The following NFIB variants were observed in gnomAD, a reference collection of about 807,000 sequenced individuals.
The protein encoded by NFIB is nuclear factor I B.
Under a neutral mutation model 61.5 loss-of-function variants are expected in NFIB, and 11 were observed. That is an observed-to-expected ratio of 0.18 (90% CI 0.11 to 0.30). The LOEUF (loss-of-function observed/expected upper bound fraction) is 0.30. Ranked by LOEUF, NFIB falls within the 10% of genes least tolerant of loss-of-function variation. The probability of loss-of-function intolerance (pLI) is 1.00; values close to 1 mark genes in which losing one functional copy is unlikely to be tolerated. For missense variants in NFIB, 471 were observed against 608.9 expected, an observed-to-expected ratio of 0.77 and a Z score of 2.38; for synonymous variants, 260 against 216.5, an observed-to-expected ratio of 1.20 and a Z score of -1.76.
At position 14,155,912 on chromosome 9, in the gene NFIB, G is replaced by C. The variant is rs1337429341; in HGVS notation, c.617-19C>G. 2 of 1,427,494 alleles carry C rather than the reference G, an allele frequency of 1.4e-6. No homozygotes were observed. Among genetic ancestry groups the C allele is most frequent in the Non-Finnish European group, 1.9e-6 (2 of 1,032,366 alleles). 88.4% of individuals were successfully genotyped at this position (1,427,494 alleles called of 1,614,324 possible). A position where few individuals can be genotyped will look rare whatever the true frequency, so the allele number is the denominator to read the frequency against. ...AGGTAACCTGAAAATAAATATTAAA[G>C]GAAAAATGATCAATATAAGCAGAAA... is the stretch of plus-strand genomic sequence containing the variant. On this transcript the variant is annotated intron_variant, in intron 3 of 10. Transcript: ENST00000380953.
At chr9:14,119,998 T>G (rs2038719244) in intron 8 of NFIB, among the ~76,000 whole-genome samples, 1 of 152,244 alleles carries the variant, frequency 6.6e-6, no homozygotes, top group African/African-American at 2.4e-5. Context: ...ATGTTTACAT[T>G]ACCAAAGCTT....
At position 14,323,944 on chromosome 9, in the gene NFIB, T is replaced by G. The variant is rs144065375; in HGVS notation, c.109-16424A>C. Among the ~76,000 whole-genome samples the G allele has an allele frequency of 1.1e-4, 16 of 152,324 alleles. No homozygotes were observed. In the East Asian group the frequency reaches 2.9e-3, roughly 27 times the overall value. On this transcript the variant is annotated intron_variant, in intron 1 of 8. Transcript: ENST00000380934. ...AAAAGTGGGATTGGCCCAATTAGAC[T>G]TTAGAAAATGCCCAACTTTAAAATA...
chr9:14,222,791 G>C (rs1425771381), intron 2 of NFIB, among the ~76,000 whole-genome samples: 2 of 746 alleles, frequency 2.7e-3, no homozygotes, highest in African/African-American at 5.2e-3. Flanking sequence ...GTAAGATCCT[G>C]TCTCAAAAAA....
chr9:14,233,709 C>T (rs954106433), intron 2 of NFIB, among the ~76,000 whole-genome samples: 1 of 152,108 alleles, frequency 6.6e-6, no homozygotes, highest in Non-Finnish European at 1.5e-5. Flanking sequence ...GGATTACAGG[C>T]GTGAACCACT....
rs2060365677 is a variant in NFIB, at chr9:14,313,161, C to T, written c.30+321G>A. 6.6e-6 allele frequency among the ~76,000 whole-genome samples: 1 copy of T among 152,170 alleles called. No individual in the cohort carries two copies. Among genetic ancestry groups the T allele is most frequent in the Non-Finnish European group, 1.5e-5 (1 of 68,020 alleles). On this transcript the variant is annotated intron_variant, in intron 1 of 10. Transcript: ENST00000380953. The surrounding 1 kb of genome is among the most constrained non-coding windows in gnomAD (Gnocchi z 4.5). ...GCTACGGGCACCCCGGGCGGGGATG[C>T]CGCACCACAACGGGCACTTGAGGGG...
rs1212898811 is a variant in NFIB at position 14,114,909 on chromosome 9, A to G, written c.1384+1299T>C. 5.9e-5 allele frequency among the ~76,000 whole-genome samples: 9 copies of G among 152,364 alleles called. No individual in the cohort carries two copies. The East Asian group carries it at 9.6e-4, about 16-fold the overall frequency. On this transcript the variant is annotated intron_variant, in intron 9 of 10. Coordinates refer to ENST00000380953, the MANE Select transcript of NFIB (RefSeq NM_001190737.2). ...CAAAGATGTGAAGACATCCACTTTT[A>G]AAATGAGTACTTAGTGTTTTGGTGA...
chr9:14,124,764 G>C (rs2039412506), intron 7 of NFIB, among the ~76,000 whole-genome samples: 2 of 152,098 alleles, frequency 1.3e-5, no homozygotes, highest in Non-Finnish European at 2.9e-5. Context: ...AAGTACAAAT[G>C]TCAAATATTG....
intron 3 of NFIB, among the ~76,000 whole-genome samples, chr9:14,164,735 T>C (rs1191839096): frequency 6.6e-6 from 1 of 152,238 alleles, no homozygotes; most frequent in Admixed American, 6.5e-5. Context: ...AAAACCTGAG[T>C]GGACCGATTA....
At chr9:14,198,034 A>G (rs562198984) in intron 2 of NFIB, among the ~76,000 whole-genome samples, 5 of 152,230 alleles carry the variant, frequency 3.3e-5, no homozygotes, top group African/African-American at 4.8e-5. Context: ...CAGACAGAAT[A>G]CACGTTGCCC....
At chr9:14,531,047 C>A in the NFIB span, among the ~76,000 whole-genome samples, 5 of 152,170 alleles carry the variant, frequency 3.3e-5, no homozygotes, top group East Asian at 5.8e-4. Context: ...ATACAAGAGA[C>A]CATTGTCCAC....
At chr9:14,234,679 T>C (rs1273700423) in intron 2 of NFIB, among the ~76,000 whole-genome samples, 1 of 151,868 alleles carries the variant, frequency 6.6e-6, no homozygotes, top group Non-Finnish European at 1.5e-5. Context: ...TTTTTTAACA[T>C]TTTGTTAGTT....
the NFIB span, among the ~76,000 whole-genome samples, chr9:14,419,277 G>A: frequency 7.3e-6 from 1 of 137,054 alleles, no homozygotes; most frequent in Non-Finnish European, 1.5e-5. Flanking sequence ...TATACAGCTA[G>A]CAGCACTGTT....
upstream of NFIB, among the ~76,000 whole-genome samples, chr9:14,403,472 C>T (rs1048587438): frequency 6.6e-6 from 1 of 152,084 alleles, no homozygotes; most frequent in Non-Finnish European, 1.5e-5. Context: ...AATTCTAAAT[C>T]TAAGTTATAC....
chr9:14,343,921 T>C (rs941987138), intron 1 of NFIB, among the ~76,000 whole-genome samples: 2 of 152,020 alleles, frequency 1.3e-5, no homozygotes, highest in Non-Finnish European at 2.9e-5. Context: ...CAAATGGACT[T>C]CAGCATCTTC....
At chr9:14,212,884 T>C (rs922676999) in intron 2 of NFIB, among the ~76,000 whole-genome samples, 2 of 152,210 alleles carry the variant, frequency 1.3e-5, no homozygotes, top group Non-Finnish European at 2.9e-5. Context: ...AGAGATTAAA[T>C]GTTTTACCCA....
chr9:14,392,171 A>C (rs2061630273), intron 1 of NFIB, among the ~76,000 whole-genome samples: 1 of 152,238 alleles, frequency 6.6e-6, no homozygotes, highest in South Asian at 2.1e-4. Flanking sequence ...AGAGGAGCCA[A>C]AGAAGACATA....
chr9:14,203,943 T>G (rs2382460), intron 2 of NFIB, among the ~76,000 whole-genome samples: 51,662 of 151,726 alleles, frequency 0.34, 9,200 homozygotes, highest in South Asian at 0.56. Flanking sequence ...AAAAAAATGT[T>G]AAAAAAAACC....
chr9:14,291,817 T>C (rs1403367091), intron 2 of NFIB, among the ~76,000 whole-genome samples: 1 of 150,790 alleles, frequency 6.6e-6, no homozygotes, highest in Non-Finnish European at 1.5e-5. Flanking sequence ...AAAAAAAAAG[T>C]TTTCTTATAA....
At chr9:14,249,676 G>A (rs957451235) in intron 2 of NFIB, among the ~76,000 whole-genome samples, 11 of 152,012 alleles carry the variant, frequency 7.2e-5, no homozygotes, top group African/African-American at 2.7e-4. Context: ...AAGGAAGAGA[G>A]AGAGGGAGGG....
Sources: gnomAD v4.1 joint callset for allele counts (sites outside exome capture counted in the v4.1 genomes callset) on GRCh38, gnomAD v4.1.1 for gene constraint, Gnocchi (gnomAD v3.1) non-coding constraint, MANE v1.5 for transcripts, NCBI Gene and HGNC (gene_info 2026-07-23, HGNC 2026-07-21) for gene names.